Variants in ZNF33B observed in about 807,000 individuals in gnomAD.
ZNF33B encodes the protein zinc finger protein 11b (KOX 2).
In ZNF33B, 29 loss-of-function variants were observed where a neutral mutation model predicts 45.8. The observed-to-expected ratio is 0.63, with a 90% CI of 0.47 to 0.86. The LOEUF (loss-of-function observed/expected upper bound fraction) is 0.86, where lower values mean the gene tolerates loss of function less well. Ranked by LOEUF, ZNF33B falls within the 40% of genes least tolerant of loss-of-function variation. The probability of loss-of-function intolerance (pLI) is 0.00; values close to 1 mark genes in which losing one functional copy is unlikely to be tolerated. For synonymous variants in ZNF33B, 305 were observed against 307.8 expected (o/e 0.99, Z 0.10); for missense variants, 831 against 909.9 (o/e 0.91, Z 1.12).
chr10:42,596,934 T>C (rs1837424290), intron 4 of ZNF33B, among the ~76,000 whole-genome samples: 1 of 151,696 alleles, frequency 6.6e-6, no homozygotes, highest in Admixed American at 6.6e-5. Context: ...CTTCCTTGGT[T>C]ATACTAGATA....
Position 42,594,770 on chromosome 10 carries a change from A to G in ZNF33B, c.251-71T>C, listed in dbSNP as rs73266609. ...CTCTTAGGGAATGAAATCTCTACAC[A>G]AATGCCCTATGTTGTAGCTGACTCT... On this transcript the variant is annotated intron_variant, in intron 4 of 4. Coordinates refer to ENST00000359467, the MANE Select transcript of ZNF33B (RefSeq NM_006955.3). The G allele has an allele frequency of 2.2e-3, 3,288 of 1,479,852 alleles. 83 individuals carry two copies. In the African/African-American group the frequency reaches 0.041, roughly 18 times the overall value. The allele number at this position is 1,479,852 out of a possible 1,614,324, so 91.7% of individuals were successfully genotyped here. A position where few individuals can be genotyped will look rare whatever the true frequency, so the allele number is the denominator to read the frequency against.
At chr10:42,623,948 G>C (rs917395261) in intron 4 of ZNF33B, among the ~76,000 whole-genome samples, 8 of 149,502 alleles carry the variant, frequency 5.4e-5, no homozygotes, top group African/African-American at 2.0e-4. Flanking sequence ...CTTAGCTTCA[G>C]CTGCCATAAC....
At chr10:42,595,815 T>C (rs1315047029) in intron 4 of ZNF33B, among the ~76,000 whole-genome samples, 1 of 152,208 alleles carries the variant, frequency 6.6e-6, no homozygotes, top group Non-Finnish European at 1.5e-5. Context: ...AAACCAACGC[T>C]GTTGTCACCT....
chr10:42,632,469 A>T (rs375323532), intron 2 of ZNF33B, 30 bp from the exon 3 acceptor site: 7 of 1,607,366 alleles, frequency 4.4e-6, no homozygotes, highest in Non-Finnish European at 5.9e-6. Flanking sequence ...GTGGCATGAA[A>T]AAAGAAGTAT....
intron 1 of ZNF33B, chr10:42,582,951 C>T (rs979093058): frequency 4.9e-5 from 28 of 577,058 alleles, no homozygotes; most frequent in East Asian, 9.0e-5. Context: ...TTCCACAGCA[C>T]GCCAGTGTTG....
intron 4 of ZNF33B, among the ~76,000 whole-genome samples, chr10:42,607,809 C>A (rs1837928962): frequency 6.6e-6 from 1 of 152,024 alleles, no homozygotes; most frequent in African/African-American, 2.4e-5. Context: ...CCAATAAACC[C>A]ATTGAAAAGT....
At chr10:42,597,255 T>C (rs1837436681) in intron 4 of ZNF33B, among the ~76,000 whole-genome samples, 1 of 152,062 alleles carries the variant, frequency 6.6e-6, no homozygotes, top group South Asian at 2.1e-4. Flanking sequence ...AATAAAAATG[T>C]GAGGTCAGTT....
intron 1 of ZNF33B, chr10:42,583,244 G>T (rs1836860189): frequency 3.2e-6 from 2 of 622,572 alleles, no homozygotes; most frequent in South Asian, 3.2e-5. Flanking sequence ...ACCAAAGGAG[G>T]GAGACAAAAG....
downstream of ZNF33B, among the ~76,000 whole-genome samples, chr10:42,587,914 G>T (rs1311866883): frequency 6.6e-6 from 1 of 152,146 alleles, no homozygotes; most frequent in African/African-American, 2.4e-5. Context: ...CGCAGCACAG[G>T]GTGCAGGTAC....
In ZNF33B at chr10:42,632,442, G is replaced by T; in HGVS notation, c.10-3C>A. On this transcript the variant is annotated splice_region_variant and splice_polypyrimidine_tract_variant and intron_variant, in intron 2 of 4. Coordinates refer to ENST00000359467, the MANE Select transcript of ZNF33B (RefSeq NM_006955.3). ...GACCCCTGGAACTTCTGATCTACCT[G>T]AAATGTTCAGAATTAGGTGGCATGA... 1 of 1,612,606 alleles carries T rather than the reference G, an allele frequency of 6.2e-7. No individual in the cohort carries two copies. The highest frequency in any genetic ancestry group is 8.5e-7 in the Non-Finnish European group (1 of 1,179,706).
chr10:42,613,700 T>G (rs1589049493), intron 4 of ZNF33B, among the ~76,000 whole-genome samples: 1 of 152,172 alleles, frequency 6.6e-6, no homozygotes, highest in African/African-American at 2.4e-5. Flanking sequence ...TATAAACACA[T>G]GTTTAGCTTA....
intron 2 of ZNF33B, among the ~76,000 whole-genome samples, chr10:42,634,641 T>C (rs1264153454): frequency 6.6e-6 from 1 of 152,064 alleles, no homozygotes; most frequent in African/African-American, 2.4e-5. Flanking sequence ...CACACAGACA[T>C]ATATGTACAC....
At chr10:42,626,027 T>A (rs375274259) in intron 4 of ZNF33B, among the ~76,000 whole-genome samples, 2 of 152,278 alleles carry the variant, frequency 1.3e-5, no homozygotes, top group Non-Finnish European at 1.5e-5. Context: ...ATTTTGTGCA[T>A]GTTCATTTAT....
chr10:42,631,180 G>C (rs1839034394), intron 4 of ZNF33B, among the ~76,000 whole-genome samples: 1 of 151,970 alleles, frequency 6.6e-6, no homozygotes, highest in Non-Finnish European at 1.5e-5. Flanking sequence ...AATATACTTA[G>C]AGACATAATT....
At chr10:42,614,226 A>C (rs2132104799) in intron 4 of ZNF33B, 1 of 155,060 alleles carries the variant, frequency 6.4e-6, no homozygotes, top group Non-Finnish European at 1.5e-5. Context: ...CTATAATTCC[A>C]GTCTTATCTT....
rs1837263264 is a variant in ZNF33B, at chr10:42,593,786, A to G, written c.1164T>C (p.Asn388=). Reference sequence around the variant, plus strand: ...TATGGCTAAAGGCTTTCCCACATTCATTGCATTCAAAAGGTTTCTCCCCTG... The same window carrying G: ...TATGGCTAAAGGCTTTCCCACATTCGTTGCATTCAAAAGGTTTCTCCCCTG... ...SHTGEKPFEC[N]ECGKAFSHKS... is the part of the protein sequence containing the mutation. Residue 388 remains asparagine (N), a synonymous_variant, in exon 5 of 5, where the codon AAT becomes AAC. Coordinates refer to ENST00000359467, the MANE Select transcript of ZNF33B (RefSeq NM_006955.3). 6.2e-7 allele frequency: 1 copy of G among 1,613,976 alleles called. No homozygotes were observed. Among genetic ancestry groups the G allele is most frequent in the Non-Finnish European group, 8.5e-7 (1 of 1,179,938 alleles).
chr10:42,595,940 C>T (rs116753066), intron 4 of ZNF33B, among the ~76,000 whole-genome samples: 2,548 of 152,124 alleles, frequency 0.017, 77 homozygotes, highest in African/African-American at 0.058. Flanking sequence ...GGGGAAACTA[C>T]ACTTGACTGA....
chr10:42,608,455 C>T (rs1490001695), intron 4 of ZNF33B, among the ~76,000 whole-genome samples: 2 of 152,070 alleles, frequency 1.3e-5, no homozygotes, highest in Non-Finnish European at 2.9e-5. Flanking sequence ...AAACGATTCT[C>T]TGACCACAGT....
At chr10:42,637,694 T>G (rs977768886) in intron 1 of ZNF33B, among the ~76,000 whole-genome samples, 1 of 152,206 alleles carries the variant, frequency 6.6e-6, no homozygotes, top group African/African-American at 2.4e-5. Flanking sequence ...CGGAGTTTCG[T>G]TCTTGTTGCC....
Sources: allele counts gnomAD v4.1 joint callset (sites outside exome capture counted in the v4.1 genomes callset), GRCh38; gene constraint gnomAD v4.1.1; transcripts MANE v1.5; gene names NCBI Gene and HGNC (gene_info 2026-07-23, HGNC 2026-07-21).